ANKRD26: variants seen among roughly 807,000 people sequenced by gnomAD.
ANKRD26 encodes ankyrin repeat domain 26.
ANKRD26 carries 141 observed loss-of-function variants against 208.7 expected under a neutral mutation model. That is an observed-to-expected ratio of 0.68 (90% confidence interval 0.59 to 0.78). ANKRD26 has a LOEUF of 0.78. Among genes scored for constraint, ANKRD26 ranks in the 30% least tolerant of loss-of-function variants. The probability of loss-of-function intolerance (pLI) is 0.00; values close to 1 mark genes in which losing one functional copy is unlikely to be tolerated. For missense variants in ANKRD26, 1,889 were observed against 1,938.7 expected, an observed-to-expected ratio of 0.97 and a Z score of 0.48; for synonymous variants, 636 against 660.4, an observed-to-expected ratio of 0.96 and a Z score of 0.57.
intron 16 of ANKRD26, chr10:27,051,829 C>T (rs957397645): frequency 1.0e-6 from 1 of 985,204 alleles, no homozygotes; most frequent in Non-Finnish European, 1.2e-6. Context: ...TTAGAGTTAT[C>T]ATGTAGTGAC....
At position 27,024,430 on chromosome 10, in the gene ANKRD26, A is replaced by C. The variant is rs767022052; in HGVS notation, c.4085+17T>G. 7.6e-7 allele frequency: 1 copy of C among 1,318,666 alleles called. No homozygotes were observed. The highest frequency in any genetic ancestry group is 1.7e-5 in the Admixed American group (1 of 57,408). The allele number at this position is 1,318,666 out of a possible 1,614,324, so 81.7% of individuals were successfully genotyped here. ...ATTAATGAATGGTTAAAATGATCTG[A>C]AATATTAAAATCTTACCCAGTTATC... On this transcript the variant is annotated intron_variant, in intron 28 of 33. Transcript: ENST00000376087.
chr10:27,094,935 G>C (rs1324791529), intron 1 of ANKRD26, among the ~76,000 whole-genome samples: 4 of 152,142 alleles, frequency 2.6e-5, no homozygotes, highest in Middle Eastern at 6.8e-3. Flanking sequence ...AGGAGGTTGA[G>C]GCTGTAGTGA....
At chr10:27,081,814 T>G (rs1388458121) in intron 6 of ANKRD26, among the ~76,000 whole-genome samples, 1 of 151,956 alleles carries the variant, frequency 6.6e-6, no homozygotes, top group Non-Finnish European at 1.5e-5. Flanking sequence ...CTCGGCTCAC[T>G]GCAACCTCCG....
intron 5 of ANKRD26, among the ~76,000 whole-genome samples, chr10:27,085,585 T>C (rs2056087797): frequency 6.6e-6 from 1 of 152,224 alleles, no homozygotes. Flanking sequence ...CCTATTGGTA[T>C]TGGTGCACAC....
chr10:27,090,270 A>AC (rs1367634094), intron 4 of ANKRD26, among the ~76,000 whole-genome samples: 5 of 152,082 alleles, frequency 3.3e-5, no homozygotes, highest in African/African-American at 1.2e-4. Context: ...ACACAGTGAA[A>AC]CCCCATCTCT....
At chr10:27,095,468 G>T (rs537983118) in intron 1 of ANKRD26, among the ~76,000 whole-genome samples, 55 of 152,334 alleles carry the variant, frequency 3.6e-4, no homozygotes, top group African/African-American at 8.7e-4. Flanking sequence ...AGGAATTCAA[G>T]ATCAGCCTGA....
chr10:27,014,412 A>G, intron 31 of ANKRD26, 82 bp downstream of exon 31: 1 of 1,088,246 alleles, frequency 9.2e-7, no homozygotes, highest in Admixed American at 2.5e-5. Context: ...ACTTCCCATT[A>G]ATCTCATGAA....
At chr10:26,980,746 C>T (rs2052295111) in exon 5 of ANKRD26, among the ~76,000 whole-genome samples, 1 of 151,842 alleles carries the variant, frequency 6.6e-6, no homozygotes, top group East Asian at 1.9e-4. Flanking sequence ...GAGTAGCAGA[C>T]AAGGAGAGGA....
chr10:27,007,004 A>G (rs774830540), intron 32 of ANKRD26, 42 bp from the exon 33 acceptor site: 1 of 1,420,430 alleles, frequency 7.0e-7, no homozygotes, highest in Non-Finnish European at 9.9e-7. Context: ...TAAGTTAGAC[A>G]AGAGACATTA....
At chr10:27,058,551 GATTTTCATTTCAAAA>G (rs2054923942) in intron 15 of ANKRD26, among the ~76,000 whole-genome samples, 1 of 151,038 alleles carries the variant, frequency 6.6e-6, no homozygotes, top group Non-Finnish European at 1.5e-5. Context: ...TGGTAAGCAT[GATTTTCATTTCAAAA>G]ATGAACTCCA....
chr10:26,988,865 G>C (rs2052436086), downstream of ANKRD26, among the ~76,000 whole-genome samples: 1 of 139,292 alleles, frequency 7.2e-6, no homozygotes, highest in Admixed American at 7.7e-5. Context: ...AGGCAACATA[G>C]TGAGACCTCT....
chr10:27,051,352 A>G (rs1235659906), intron 16 of ANKRD26: 5 of 1,255,440 alleles, frequency 4.0e-6, no homozygotes, highest in Non-Finnish European at 5.1e-6. Context: ...TTTATGTGAA[A>G]CATATGATTC....
chr10:27,058,891 GTTTT>G (rs2054939266), intron 15 of ANKRD26, among the ~76,000 whole-genome samples: 1 of 147,514 alleles, frequency 6.8e-6, no homozygotes, highest in Non-Finnish European at 1.5e-5. Flanking sequence ...TGATTTTTAT[GTTTT>G]TTTGTTTGTT....
chr10:27,031,073 G>A (rs911456361), intron 25 of ANKRD26, among the ~76,000 whole-genome samples: 4 of 152,296 alleles, frequency 2.6e-5, no homozygotes, highest in South Asian at 2.1e-4. Context: ...GAAAGCTTCC[G>A]AAAGGAGGGG....
At chr10:27,009,569 G>A (rs1045620600) in intron 32 of ANKRD26, among the ~76,000 whole-genome samples, 2 of 152,140 alleles carry the variant, frequency 1.3e-5, no homozygotes, top group African/African-American at 2.4e-5. Context: ...ATTAATAACT[G>A]TCCTATTGAG....
chr10:27,016,465 T>C (rs186434721), intron 30 of ANKRD26, among the ~76,000 whole-genome samples: 13 of 152,124 alleles, frequency 8.5e-5, no homozygotes, highest in Non-Finnish European at 1.9e-4. Flanking sequence ...TTTTAGTAGA[T>C]ATGGGTTTTC....
At chr10:27,038,391 T>C (rs1255005472) in intron 21 of ANKRD26, among the ~76,000 whole-genome samples, 2 of 152,210 alleles carry the variant, frequency 1.3e-5, no homozygotes, top group Admixed American at 6.5e-5. Context: ...AGTTCATGCC[T>C]GTAATCCTAT....
In ANKRD26 at chr10:27,037,223, T is replaced by G. The variant is rs1589256131; in HGVS notation, c.2660A>C (p.Lys887Thr). ...TTTCTTTTGAGCCATTTCAATCTCC[T>G]TTTGTTTGGAAAGGTGATTGGTCAG... The part of the protein sequence containing the change: ...GILTNHLSKQ[K>T]EIEMAQKKMN... Residue 887 changes from lysine (K) to threonine (T), a missense_variant, in exon 23 of 34, where the codon AAG becomes ACG. Physicochemically the swap from Lys to Thr is moderately conservative, Grantham distance 78. Around this residue, in one of 3 missense-constraint regions of ANKRD26, gnomAD observed 1,272 missense variants for 1,273.8 expected, o/e 1.00. Transcript: ENST00000376087. 6 of 1,613,810 alleles carry G rather than the reference T, an allele frequency of 3.7e-6. No homozygotes were observed. The East Asian group carries it at 8.9e-5, about 24-fold the overall frequency.
At chr10:27,086,074 AGATTTTCAGCTGCACAGG>A (rs1222962253) in intron 5 of ANKRD26, among the ~76,000 whole-genome samples, 4 of 152,164 alleles carry the variant, frequency 2.6e-5, no homozygotes, top group African/African-American at 9.7e-5. Context: ...AAGTTAGTGC[AGATTTTCAGCTGCACAGG>A]GATCACCAGT....
Sources: gnomAD v4.1 joint callset for allele counts (sites outside exome capture counted in the v4.1 genomes callset) on GRCh38, gnomAD v4.1.1 for gene constraint, gnomAD v4.1.1 regional missense constraint, MANE v1.5 for transcripts, NCBI Gene and HGNC (gene_info 2026-07-23, HGNC 2026-07-21) for gene names.